The following IQCE variants were observed in gnomAD, a reference collection of about 807,000 sequenced individuals.
IQCE encodes IQ domain-containing protein E.
In IQCE, 115 loss-of-function variants were observed where a neutral mutation model predicts 96.0. That is an observed-to-expected ratio of 1.20 (90% CI 1.03 to 1.40). The LOEUF is 1.40. IQCE is among the 40% of genes most tolerant of loss of function. The pLI is 0.00. For synonymous variants in IQCE, 412 were observed against 371.2 expected, an observed-to-expected ratio of 1.11 and a Z score of -1.26; for missense variants, 1,041 against 909.1, an observed-to-expected ratio of 1.15 and a Z score of -1.87.
Position 2,573,455 on chromosome 7 carries a change from A to C in IQCE, c.432A>C (p.Glu144Asp), listed in dbSNP as rs778453815. 6.5e-7 allele frequency: 1 copy of C among 1,546,746 alleles called. No homozygotes were observed. Among genetic ancestry groups the C allele is most frequent in the Middle Eastern group, 1.7e-4 (1 of 5,956 alleles). ...VPGTPVYREK[E>D]DMYDEIIELK... The stretch of plus-strand genomic sequence containing the variant: ...GGACTCCTGTCTACAGAGAAAAAGA[A>C]GATATGTATGACGAGATTATTGAGT... Residue 144 changes from glutamate (E) to aspartate (D), a missense_variant, in exon 6 of 22, where the codon GAA becomes GAC. By Grantham distance (45) the Glu-to-Asp change is conservative. Coordinates refer to ENST00000402050, the MANE Select transcript of IQCE (RefSeq NM_152558.5).
chr7:2,607,357 C>A, intron 21 of IQCE, 130 bp downstream of exon 21: 1 of 1,438,384 alleles, frequency 7.0e-7, no homozygotes, highest in Non-Finnish European at 9.1e-7. Context: ...CTGGAGCTGC[C>A]TCTGAACTAA....
In IQCE at chr7:2,578,375, C is replaced by T. The variant is rs1782373371; in HGVS notation, c.579+20C>T. The stretch of plus-strand genomic sequence containing the variant: ...AGCCGCGTAAGCTCCTGGCGCTTCA[C>T]GGACGGGGCAAGGGGAGGGTCCTCG... On this transcript the variant is annotated intron_variant, in intron 7 of 21. Transcript: ENST00000402050. 1.9e-6 allele frequency: 3 copies of T among 1,612,174 alleles called. No individual in the cohort carries two copies. Among genetic ancestry groups the T allele is most frequent in the African/African-American group, 2.7e-5 (2 of 74,872 alleles).
rs565888900 is a variant in IQCE, at chr7:2,577,359, C to T, written c.466-883C>T. On this transcript the variant is annotated intron_variant, in intron 6 of 21. Coordinates refer to ENST00000402050, the MANE Select transcript of IQCE (RefSeq NM_152558.5). Reference sequence around the variant, plus strand: ...ATTGGCGTGTGCGTGGCTGTGCGCGCGGGGACGTGTGTGCGGCGTGCGCGC... The same window carrying T: ...ATTGGCGTGTGCGTGGCTGTGCGCGTGGGGACGTGTGTGCGGCGTGCGCGC... 1.5e-4 allele frequency among the ~76,000 whole-genome samples: 18 copies of T among 121,686 alleles called. 1 individual carries two copies. Among genetic ancestry groups the T allele is most frequent in the Non-Finnish European group, 2.4e-4 (13 of 54,300 alleles). The allele number at this position is 121,686 out of a possible 152,430, so 79.8% of individuals were successfully genotyped here.
intron 13 of IQCE, among the ~76,000 whole-genome samples, 200 bp downstream of exon 13, chr7:2,588,077 C>A (rs1349191882): frequency 1.3e-5 from 2 of 152,254 alleles, no homozygotes; most frequent in African/African-American, 4.8e-5. Context: ...GGGCTGTGAG[C>A]TTCTGTGCGT....
chr7:2,585,718 T>G (rs1035603239), intron 11 of IQCE, among the ~76,000 whole-genome samples: 8 of 152,244 alleles, frequency 5.3e-5, no homozygotes, highest in African/African-American at 7.2e-5. Context: ...ACTGGCATTT[T>G]TCATCACCTG....
In IQCE at chr7:2,569,081, C is replaced by A. The variant is rs190076769; in HGVS notation, c.130+82C>A. Reference sequence around the variant, plus strand: ...GAGAATGAAGGGTATTTGCTTTGTACATTTAGGTAGCTGAGACCTGACGCC... The same window carrying A: ...GAGAATGAAGGGTATTTGCTTTGTAAATTTAGGTAGCTGAGACCTGACGCC... On this transcript the variant is annotated intron_variant, in intron 3 of 21. Transcript: ENST00000402050. The A allele has an allele frequency of 3.0e-4, 422 of 1,396,146 alleles. 1 individual carries two copies. Among genetic ancestry groups the A allele is most frequent in the South Asian group, 2.0e-3 (170 of 84,842 alleles). 86.5% of individuals were successfully genotyped at this position (1,396,146 alleles called of 1,614,324 possible).
rs750439401 is a variant in IQCE, at chr7:2,586,233, G to A, written c.850G>A (p.Ala284Thr). The A allele has an allele frequency of 4.3e-6, 7 of 1,613,642 alleles. No individual in the cohort carries two copies. Among genetic ancestry groups the A allele is most frequent in the South Asian group, 1.1e-5 (1 of 91,052 alleles). ...GCCCCTGGGGGAGAAGAAGACGGGC[G>A]CCAAAAGGCAGAAGAAGATGGGCAG... Reference protein sequence around the residue: ...KKPLGEKKTGAKRQKKMGSAL... With the variant: ...KKPLGEKKTGTKRQKKMGSAL... The change falls in exon 12 of 22, where the codon GCC becomes ACC. Residue 284 changes from alanine (A) to threonine (T), a missense_variant. Physicochemically the swap from Ala to Thr is moderately conservative, Grantham distance 58. Coordinates refer to ENST00000402050, the MANE Select transcript of IQCE (RefSeq NM_152558.5).
At chr7:2,561,819 T>C (rs1780989621) in intron 1 of IQCE, among the ~76,000 whole-genome samples, 2 of 152,272 alleles carry the variant, frequency 1.3e-5, no homozygotes, top group African/African-American at 2.4e-5. Context: ...GGATTTTCTA[T>C]GTATAAAATC....
At chr7:2,601,215 CAT>C (rs1266982914) in intron 17 of IQCE, among the ~76,000 whole-genome samples, 3 of 152,228 alleles carry the variant, frequency 2.0e-5, no homozygotes, top group Admixed American at 6.5e-5. Flanking sequence ...TGGGCCACCT[CAT>C]GTGACTCCTG....
At chr7:2,571,373 T>G in intron 3 of IQCE, 153 bp from the exon 4 acceptor site, 2 of 906,380 alleles carry the variant, frequency 2.2e-6, no homozygotes, top group Non-Finnish European at 3.5e-6. Flanking sequence ...AGTATATAGG[T>G]AAAGTAACTC....
Position 2,570,339 on chromosome 7 carries a change from C to T in IQCE, c.131-1187C>T, listed in dbSNP as rs75579477. On this transcript the variant is annotated intron_variant, in intron 3 of 21. Transcript: ENST00000402050. ...TTCCTGAGGAACCCTTCCTACTCGCCGATAAGCCCACACACTCTTAGGAGG... is the reference window on the plus strand; with the variant it reads ...TTCCTGAGGAACCCTTCCTACTCGCTGATAAGCCCACACACTCTTAGGAGG... Among the ~76,000 whole-genome samples the T allele has an allele frequency of 7.3e-4, 111 of 151,936 alleles. 3 individuals carry two copies. The East Asian group carries it at 0.019, about 25-fold the overall frequency.
At chr7:2,589,457 G>A (rs567252634) in intron 13 of IQCE, among the ~76,000 whole-genome samples, 5 of 152,288 alleles carry the variant, frequency 3.3e-5, no homozygotes, top group African/African-American at 1.2e-4. Context: ...AAGCACAGTG[G>A]GCAGCACGTC....
chr7:2,575,074 G>T (rs1171993850), intron 6 of IQCE, among the ~76,000 whole-genome samples: 1 of 152,206 alleles, frequency 6.6e-6, no homozygotes, highest in African/African-American at 2.4e-5. Flanking sequence ...TCTCAGTGTT[G>T]ACATTATGGC....
Position 2,572,174 on chromosome 7 carries a change from C to G in IQCE, c.260-18C>G. ...GTGCTTGTATCTGTCATATTAAACCCATGCACATTCAAACCAGGAAGTCTG... is the reference window on the plus strand; with the variant it reads ...GTGCTTGTATCTGTCATATTAAACCGATGCACATTCAAACCAGGAAGTCTG... On this transcript the variant is annotated intron_variant, in intron 4 of 21. Transcript: ENST00000402050. The G allele has an allele frequency of 6.2e-7, 1 of 1,608,566 alleles. No individual in the cohort carries two copies. The highest frequency in any genetic ancestry group is 2.2e-5 in the East Asian group (1 of 44,844).
chr7:2,564,668 G>A (rs1781230171), intron 1 of IQCE, among the ~76,000 whole-genome samples: 1 of 152,130 alleles, frequency 6.6e-6, no homozygotes, highest in African/African-American at 2.4e-5. Context: ...TGTTGTAGAA[G>A]AATATACTTT....
chr7:2,570,012 C>T (rs187394063), intron 3 of IQCE, among the ~76,000 whole-genome samples: 3 of 152,144 alleles, frequency 2.0e-5, no homozygotes, highest in Non-Finnish European at 2.9e-5. Context: ...CTGACTCACA[C>T]TCGGGACCTG....
rs574440813 is a variant in IQCE, at chr7:2,611,286, C to T, written c.*1124C>T. ...GGCGTCAAGAGGAAGAGCCTTAGACCTGGGCGGGCCTTCAGGGGCATCTAG... is the reference window on the plus strand; with the variant it reads ...GGCGTCAAGAGGAAGAGCCTTAGACTTGGGCGGGCCTTCAGGGGCATCTAG... On this transcript the variant is annotated 3_prime_UTR_variant, in exon 22 of 22. Transcript: ENST00000402050. 2 of 152,436 alleles carry T rather than the reference C, an allele frequency of 1.3e-5. No individual in the cohort carries two copies. Among genetic ancestry groups the T allele is most frequent in the East Asian group, 3.9e-4 (2 of 5,184 alleles). The allele number at this position is 152,436 out of a possible 1,614,324, so 9.4% of individuals were successfully genotyped here. A position where few individuals can be genotyped will look rare whatever the true frequency, so the allele number is the denominator to read the frequency against.
chr7:2,578,331 A>T lies in IQCE; in HGVS notation c.555A>T (p.Ile185=). The T allele has an allele frequency of 6.2e-7, 1 of 1,614,114 alleles. No homozygotes were observed. Among genetic ancestry groups the T allele is most frequent in the Non-Finnish European group, 8.5e-7 (1 of 1,179,950 alleles). Residue 185 remains isoleucine (I), a synonymous_variant, in exon 7 of 22, where the codon ATA becomes ATT. Transcript: ENST00000402050. ...AAAACAGCAGGAAGGACCGGCAGAT[A>T]GAGCAGCTCCTGGATCCCAGCCGCG... ...EEENSRKDRQ[I]EQLLDPSRGT...
intron 9 of IQCE, 111 bp from the exon 10 acceptor site, chr7:2,583,525 TG>T: frequency 8.2e-6 from 5 of 613,396 alleles, no homozygotes; most frequent in Non-Finnish European, 1.1e-5. Context: ...CCTCCCATCC[TG>T]GGTCTTTTCC....
Sources: allele counts gnomAD v4.1 joint callset (sites outside exome capture counted in the v4.1 genomes callset), GRCh38; gene constraint gnomAD v4.1.1; transcripts MANE v1.5; gene names NCBI Gene and HGNC (gene_info 2026-07-23, HGNC 2026-07-21).